ATAD2B: variants seen among roughly 807,000 people sequenced by gnomAD.
ATAD2B encodes ATPase family AAA domain containing 2B.
Under a neutral mutation model 167.6 loss-of-function variants are expected in ATAD2B, and 40 were observed. The observed-to-expected ratio is 0.24, with a 90% CI of 0.19 to 0.31. The LOEUF (loss-of-function observed/expected upper bound fraction) is 0.31. Among genes scored for constraint, ATAD2B ranks in the 10% least tolerant of loss-of-function variants. The pLI is 1.00. For synonymous variants in ATAD2B, 579 were observed against 596.5 expected (o/e 0.97, Z 0.43); for missense variants, 1,242 against 1,757.2 (o/e 0.71, Z 5.24).
chr2:23,871,640 C>T (rs1406164428), intron 8 of ATAD2B, among the ~76,000 whole-genome samples: 1 of 152,134 alleles, frequency 6.6e-6, no homozygotes. Context: ...TCCACACAAC[C>T]ATACAAGCTG....
intron 1 of ATAD2B, among the ~76,000 whole-genome samples, chr2:23,908,314 C>A (rs1701785605): frequency 1.3e-5 from 2 of 152,064 alleles, no homozygotes; most frequent in Non-Finnish European, 2.9e-5. Flanking sequence ...ACCCCATCAA[C>A]AAGTGGGTGA....
chr2:23,683,283 G>A, the ATAD2B span, among the ~76,000 whole-genome samples: 1 of 152,248 alleles, frequency 6.6e-6, no homozygotes, highest in Non-Finnish European at 1.5e-5. Flanking sequence ...CCTGCCAAGG[G>A]AAATCGCCTG....
intron 18 of ATAD2B, among the ~76,000 whole-genome samples, chr2:23,805,153 A>AG (rs959416866): frequency 1.3e-5 from 2 of 152,034 alleles, no homozygotes; most frequent in African/African-American, 4.8e-5. Context: ...CAAAAAAAAA[A>AG]AAAAGAAAAG....
the ATAD2B span, among the ~76,000 whole-genome samples, chr2:23,698,210 C>A: frequency 2.6e-5 from 4 of 152,192 alleles, no homozygotes; most frequent in Non-Finnish European, 4.4e-5. Context: ...ACCCCGGGAA[C>A]CCCAAGAGAT....
At chr2:23,849,583 G>A (rs1692235895) in intron 13 of ATAD2B, among the ~76,000 whole-genome samples, 1 of 152,200 alleles carries the variant, frequency 6.6e-6, no homozygotes, top group Admixed American at 6.5e-5. Context: ...TGTAATCCCA[G>A]CACTGCCTGT....
intron 13 of ATAD2B, among the ~76,000 whole-genome samples, chr2:23,854,990 T>C (rs1693147468): frequency 6.6e-6 from 1 of 151,430 alleles, no homozygotes; most frequent in Admixed American, 6.6e-5. Flanking sequence ...AGGTCAAGAG[T>C]TCGAGACCAG....
intron 13 of ATAD2B, among the ~76,000 whole-genome samples, chr2:23,841,611 G>C (rs1690923126): frequency 3.3e-5 from 5 of 152,016 alleles, no homozygotes; most frequent in Admixed American, 2.6e-4. Context: ...GACCTCCTAG[G>C]CTCAAGCAAT....
chr2:23,680,330 G>A, the ATAD2B span, among the ~76,000 whole-genome samples: 3 of 152,118 alleles, frequency 2.0e-5, no homozygotes, highest in African/African-American at 7.2e-5. The surrounding 1 kb of genome is among the most constrained non-coding windows in gnomAD (Gnocchi z 4.1). Context: ...GCTCCATGCT[G>A]GGCGCTGAGT....
At chr2:23,684,662 T>TCTC in the ATAD2B span, 37 of 554,104 alleles carry the variant, frequency 6.7e-5, no homozygotes, top group African/African-American at 3.2e-4. The surrounding 1 kb of genome is among the most constrained non-coding windows in gnomAD (Gnocchi z 4.4). Flanking sequence ...AGTAGCCATC[T>TCTC]CTCCTCCTCC....
chr2:23,921,428 C>G (rs1259263313), intron 1 of ATAD2B, among the ~76,000 whole-genome samples: 1 of 152,136 alleles, frequency 6.6e-6, no homozygotes, highest in East Asian at 1.9e-4. Context: ...GTTCTCATAA[C>G]AGTAGTAATT....
chr2:23,707,963 G>C, the ATAD2B span: 19 of 152,200 alleles, frequency 1.2e-4, no homozygotes, highest in Non-Finnish European at 2.4e-4. Context: ...AACCTCACAC[G>C]GTCAACAGTT....
chr2:23,769,712 G>GAT (rs1678008989), intron 22 of ATAD2B, among the ~76,000 whole-genome samples: 1 of 128,046 alleles, frequency 7.8e-6, no homozygotes, highest in Non-Finnish European at 1.6e-5. Context: ...CTCACTGTGG[G>GAT]TTTTTTTTTT....
chr2:23,736,734 C>T, the ATAD2B span, among the ~76,000 whole-genome samples: 3 of 152,164 alleles, frequency 2.0e-5, no homozygotes, highest in South Asian at 4.1e-4. Context: ...CGAGCCGAAG[C>T]AGGGTGAGAC....
At chr2:23,786,847 C>T (rs1680899649) in intron 20 of ATAD2B, among the ~76,000 whole-genome samples, 1 of 152,018 alleles carries the variant, frequency 6.6e-6, no homozygotes, top group East Asian at 1.9e-4. Context: ...AAGTATTACA[C>T]ACTGATTTTC....
the ATAD2B span, chr2:23,684,351 A>G: frequency 3.0e-6 from 4 of 1,315,440 alleles, no homozygotes; most frequent in East Asian, 2.9e-5. This position sits in a 1 kb window ranked among gnomAD's most constrained non-coding sequence, Gnocchi z 4.4. Context: ...TAAAAAAAAA[A>G]AAACTCTTAA....
chr2:23,803,122 G>C (rs1247398739), intron 18 of ATAD2B, among the ~76,000 whole-genome samples: 1 of 151,752 alleles, frequency 6.6e-6, no homozygotes, highest in Non-Finnish European at 1.5e-5. Context: ...GAGAATCATA[G>C]TTTTGTTTTG....
chr2:23,920,174 T>C (rs1206085422), intron 1 of ATAD2B, among the ~76,000 whole-genome samples: 13 of 151,522 alleles, frequency 8.6e-5, no homozygotes, highest in Admixed American at 7.2e-4. Context: ...AAGGTATTAA[T>C]TGGGCACTGA....
downstream of ATAD2B, among the ~76,000 whole-genome samples, chr2:23,748,456 C>T (rs1026869120): frequency 3.9e-5 from 6 of 152,142 alleles, no homozygotes; most frequent in African/African-American, 1.4e-4. Flanking sequence ...CAATCTTCAA[C>T]TAAAACTAAA....
intron 22 of ATAD2B, among the ~76,000 whole-genome samples, chr2:23,775,532 C>T (rs944570556): frequency 1.3e-5 from 2 of 151,950 alleles, no homozygotes; most frequent in Non-Finnish European, 1.5e-5. Context: ...AATTTTAAAA[C>T]GATATGTGAT....
Sources: allele counts gnomAD v4.1 joint callset (sites outside exome capture counted in the v4.1 genomes callset), GRCh38; gene constraint gnomAD v4.1.1; non-coding constraint Gnocchi (gnomAD v3.1); transcripts MANE v1.5; gene names NCBI Gene and HGNC (gene_info 2026-07-23, HGNC 2026-07-21).